DAB1: variants seen among roughly 807,000 people sequenced by gnomAD.
The protein encoded by DAB1 is DAB adaptor protein 1.
Under a neutral mutation model 64.6 loss-of-function variants are expected in DAB1, and 15 were observed. That is an observed-to-expected ratio of 0.23 (90% CI 0.16 to 0.36). The LOEUF (loss-of-function observed/expected upper bound fraction) is 0.36. Among genes scored for constraint, DAB1 ranks in the 10% least tolerant of loss-of-function variants. DAB1 has a pLI of 1.00. For missense variants in DAB1, 596 were observed against 706.7 expected (o/e 0.84, Z 1.78); for synonymous variants, 235 against 251.9 (o/e 0.93, Z 0.64).
At chr1:57,131,322 A>G (rs948348320) in intron 4 of DAB1, among the ~76,000 whole-genome samples, 8 of 152,238 alleles carry the variant, frequency 5.3e-5, no homozygotes, top group Non-Finnish European at 1.2e-4. Flanking sequence ...AAAGGGGGAT[A>G]ATAAAAAATT....
intron 5 of DAB1, among the ~76,000 whole-genome samples, chr1:57,999,270 T>A (rs1646472112): frequency 6.6e-6 from 1 of 152,182 alleles, no homozygotes; most frequent in Admixed American, 6.5e-5. Flanking sequence ...GTGAAGGTAC[T>A]GAAGATCAGC....
intron 8 of DAB1, among the ~76,000 whole-genome samples, chr1:57,065,893 G>A (rs188229949): frequency 2.6e-5 from 4 of 152,256 alleles, no homozygotes; most frequent in Non-Finnish European, 4.4e-5. Flanking sequence ...TCTCATCCCC[G>A]TGCCAGACGC....
intron 9 of DAB1, among the ~76,000 whole-genome samples, chr1:57,053,534 GT>G (rs1363881267): frequency 6.6e-6 from 1 of 151,362 alleles, no homozygotes; most frequent in Non-Finnish European, 1.5e-5. Flanking sequence ...GATTATATGT[GT>G]GAGCCACCAA....
intron 1 of DAB1, among the ~76,000 whole-genome samples, chr1:57,339,198 C>T (rs1451398912): frequency 2.0e-5 from 3 of 151,278 alleles, no homozygotes; most frequent in Non-Finnish European, 2.9e-5. Flanking sequence ...CTCTGTCGCC[C>T]AGGCTGGAGG....
chr1:57,737,114 T>C (rs1339054382), intron 6 of DAB1, among the ~76,000 whole-genome samples: 1 of 152,164 alleles, frequency 6.6e-6, no homozygotes, highest in East Asian at 1.9e-4. Flanking sequence ...TGGCTTCCGG[T>C]GGAGGCATCT....
At chr1:57,816,985 T>C (rs1651885220) in intron 6 of DAB1, among the ~76,000 whole-genome samples, 2 of 152,150 alleles carry the variant, frequency 1.3e-5, no homozygotes, top group African/African-American at 4.8e-5. Context: ...AAGACGAAAT[T>C]ATCTCATAAT....
chr1:57,159,616 G>T (rs1660547859), intron 2 of DAB1, among the ~76,000 whole-genome samples: 1 of 152,082 alleles, frequency 6.6e-6, no homozygotes, highest in Non-Finnish European at 1.5e-5. Context: ...AAGGGAAATT[G>T]CTGTTTCTGT....
rs80129060 is a variant in DAB1 at position 57,125,274 on chromosome 1, C to T, written c.306+11269G>A. Among the ~76,000 whole-genome samples the T allele has an allele frequency of 2.4e-3, 373 of 152,310 alleles. 1 individual carries two copies. Among genetic ancestry groups the T allele is most frequent in the African/African-American group, 8.6e-3 (356 of 41,568 alleles). ...GACTCCCGCCCTTGGGGAGGGCTCCCTCCTCTGGCAGGGCACAGGATAAAT... is the reference window on the plus strand; with the variant it reads ...GACTCCCGCCCTTGGGGAGGGCTCCTTCCTCTGGCAGGGCACAGGATAAAT... On this transcript the variant is annotated intron_variant, in intron 4 of 14. Transcript: ENST00000371236.
chr1:57,292,666 T>C (rs1034778958), intron 1 of DAB1, among the ~76,000 whole-genome samples: 5 of 152,164 alleles, frequency 3.3e-5, no homozygotes, highest in African/African-American at 1.2e-4. Context: ...GCAGCAAATA[T>C]TTAGTAAGAA....
At chr1:57,046,678 G>A (rs1648538374) in intron 9 of DAB1, among the ~76,000 whole-genome samples, 1 of 152,178 alleles carries the variant, frequency 6.6e-6, no homozygotes, top group Non-Finnish European at 1.5e-5. Flanking sequence ...CAGACTCACA[G>A]CAGCAGCAGC....
chr1:57,588,110 T>C (rs1032592504), intron 7 of DAB1, among the ~76,000 whole-genome samples: 1 of 152,226 alleles, frequency 6.6e-6, no homozygotes, highest in Non-Finnish European at 1.5e-5. Flanking sequence ...GAATGACTTA[T>C]GGGGAAAGAA....
intron 6 of DAB1, among the ~76,000 whole-genome samples, chr1:57,748,048 G>T (rs182990244): frequency 2.0e-5 from 3 of 152,136 alleles, no homozygotes; most frequent in East Asian, 1.9e-4. Context: ...CCTACTACTT[G>T]CCAGGCACTG....
At chr1:57,007,433 TATA>T (rs1193847646) in intron 14 of DAB1, among the ~76,000 whole-genome samples, 7 of 152,224 alleles carry the variant, frequency 4.6e-5, no homozygotes, top group Non-Finnish European at 2.9e-5. Flanking sequence ...TACCAGTCAT[TATA>T]ATATTATTTT....
intron 4 of DAB1, among the ~76,000 whole-genome samples, chr1:58,323,610 G>A (rs961017606): frequency 6.6e-6 from 1 of 152,038 alleles, no homozygotes; most frequent in Admixed American, 6.6e-5. Context: ...TTTATTGTCT[G>A]TTGAGTACAA....
At position 57,737,150 on chromosome 1, in the gene DAB1, G is replaced by C. The variant is rs114141542; in HGVS notation, n.552-87485C>G. 9.9e-3 allele frequency among the ~76,000 whole-genome samples: 1,506 copies of C among 152,292 alleles called. 16 individuals carry two copies. The highest frequency in any genetic ancestry group is 0.034 in the African/African-American group (1,410 of 41,562). ...GTGGCCTTGGCAGAAAGGGAGTCAA[G>C]AGGCTAACCACCCAACCCACCTTTC... On this transcript the variant is annotated intron_variant and non_coding_transcript_variant, in intron 6 of 20. Coordinates refer to the DAB1 transcript ENST00000485760.
At chr1:57,345,320 G>C (rs2100841896) in intron 1 of DAB1, among the ~76,000 whole-genome samples, 1 of 152,174 alleles carries the variant, frequency 6.6e-6, no homozygotes, top group South Asian at 2.1e-4. Flanking sequence ...GAATGGTTTG[G>C]GATGAACTAA....
intron 4 of DAB1, among the ~76,000 whole-genome samples, chr1:58,156,292 C>T (rs1416341): frequency 0.27 from 41,128 of 152,020 alleles, 5,988 homozygotes; most frequent in East Asian, 0.44. Flanking sequence ...GAAGTGAAAC[C>T]AGATGCCTCA....
chr1:57,029,694 G>C (rs1570542742), intron 9 of DAB1, among the ~76,000 whole-genome samples: 1 of 152,290 alleles, frequency 6.6e-6, no homozygotes, highest in South Asian at 2.1e-4. Context: ...GATCATTTTG[G>C]AGCTTTAAAA....
chr1:57,258,825 G>A (rs1326211583), intron 2 of DAB1, among the ~76,000 whole-genome samples: 1 of 152,098 alleles, frequency 6.6e-6, no homozygotes, highest in Admixed American at 6.6e-5. Flanking sequence ...CAATATGTCA[G>A]CATGATGTCA....
Sources: gnomAD v4.1 joint callset for allele counts (sites outside exome capture counted in the v4.1 genomes callset) on GRCh38, gnomAD v4.1.1 for gene constraint, MANE v1.5 for transcripts, NCBI Gene and HGNC (gene_info 2026-07-23, HGNC 2026-07-21) for gene names.